Variants in TMEM150C observed in about 807,000 individuals in gnomAD.
The protein encoded by TMEM150C is transmembrane protein 150C, also known as tentonin 3.
Under a neutral mutation model 29.9 loss-of-function variants are expected in TMEM150C, and 10 were observed. That is an observed-to-expected ratio of 0.33 (90% CI 0.21 to 0.57). The LOEUF is 0.57. TMEM150C is among the 20% of genes least tolerant of loss of function. The pLI, the probability that TMEM150C is intolerant of heterozygous loss-of-function variation, is 0.88. For synonymous variants in TMEM150C, 101 were observed against 112.5 expected (o/e 0.90, Z 0.64); for missense variants, 251 against 303.6 (o/e 0.83, Z 1.29).
intron 1 of TMEM150C, among the ~76,000 whole-genome samples, chr4:82,548,917 G>C (rs1409076423): frequency 1.3e-5 from 2 of 152,260 alleles, no homozygotes; most frequent in Non-Finnish European, 2.9e-5. Flanking sequence ...TCATGAGTAA[G>C]TCAGAGAGTG....
intron 1 of TMEM150C, among the ~76,000 whole-genome samples, chr4:82,547,592 T>G (rs1180173092): frequency 1.5e-5 from 2 of 133,160 alleles, no homozygotes; most frequent in African/African-American, 2.7e-5. Flanking sequence ...GTCTCAAAAA[T>G]AAAAAAAAAA....
At chr4:82,490,897 C>T in intron 6 of TMEM150C, 1 of 710,776 alleles carries the variant, frequency 1.4e-6, no homozygotes, top group Non-Finnish European at 2.6e-6. Flanking sequence ...GACTTGGGAC[C>T]CAGGACATTG....
intron 1 of TMEM150C, among the ~76,000 whole-genome samples, chr4:82,523,830 G>A (rs935255862): frequency 3.3e-5 from 5 of 151,524 alleles, no homozygotes; most frequent in African/African-American, 4.9e-5. Flanking sequence ...GGCGCCTGCC[G>A]CCACACCTGG....
In TMEM150C at chr4:82,558,637, T is replaced by C. The variant is rs188192546; in HGVS notation, c.-11+3269A>G. ...TAAACATACCAGAAAAAAAAAAAAA[T>C]CTAAACATACCAGGAAATGATATTT... is the stretch of plus-strand genomic sequence containing the variant. On this transcript the variant is annotated intron_variant, in intron 1 of 7. Coordinates refer to ENST00000449862, the MANE Select transcript of TMEM150C (RefSeq NM_001080506.3). Among the ~76,000 whole-genome samples, 69 of 150,918 alleles carry C rather than the reference T, an allele frequency of 4.6e-4. No individual in the cohort carries two copies. The East Asian group carries it at 0.012, about 27-fold the overall frequency.
intron 1 of TMEM150C, among the ~76,000 whole-genome samples, chr4:82,556,894 T>TG (rs1284508110): frequency 6.6e-6 from 1 of 152,204 alleles, no homozygotes; most frequent in African/African-American, 2.4e-5. Context: ...AGAGATAATT[T>TG]GGGAGTTATT....
At chr4:82,535,856 T>C (rs1724985880) in intron 1 of TMEM150C, among the ~76,000 whole-genome samples, 1 of 152,166 alleles carries the variant, frequency 6.6e-6, no homozygotes, top group Non-Finnish European at 1.5e-5. Context: ...TAATCCCTTG[T>C]TGTGGGGGCT....
intron 6 of TMEM150C, chr4:82,495,454 T>C (rs575010079): frequency 1.6e-4 from 55 of 345,744 alleles, no homozygotes; most frequent in South Asian, 1.5e-3. Flanking sequence ...AAAGAAAAGT[T>C]TGCGGATTCT....
intron 1 of TMEM150C, among the ~76,000 whole-genome samples, chr4:82,541,572 T>C (rs1725203535): frequency 6.6e-6 from 1 of 152,238 alleles, no homozygotes; most frequent in Non-Finnish European, 1.5e-5. Context: ...GATGATATTC[T>C]AAATTAGTAC....
At chr4:82,519,973 A>G (rs989382624) in intron 1 of TMEM150C, among the ~76,000 whole-genome samples, 1 of 152,202 alleles carries the variant, frequency 6.6e-6, no homozygotes, top group Non-Finnish European at 1.5e-5. Flanking sequence ...TCTACTGTAC[A>G]TTTCCATTCT....
At chr4:82,550,087 C>T (rs1184554150) in intron 1 of TMEM150C, among the ~76,000 whole-genome samples, 1 of 152,084 alleles carries the variant, frequency 6.6e-6, no homozygotes, top group African/African-American at 2.4e-5. Flanking sequence ...AACTGTAATC[C>T]CCATAATCCC....
At chr4:82,561,310 G>A (rs1164688233) in intron 1 of TMEM150C, among the ~76,000 whole-genome samples, 2 of 152,192 alleles carry the variant, frequency 1.3e-5, no homozygotes. Flanking sequence ...CTTCCCAAGT[G>A]TGCGCCCAGG....
chr4:82,540,842 TAA>T lies in TMEM150C; in HGVS notation c.-11+21062_-11+21063del, dbSNP rs1246551284. On this transcript the variant is annotated intron_variant, in intron 1 of 7. Transcript: ENST00000449862. ...CTTATTTTTCTGTGGTGAGAACACT[TAA>T]AATCTACTCTCTTAGCAATTTTCAA... Among the ~76,000 whole-genome samples the T allele has an allele frequency of 4.6e-5, 7 of 152,322 alleles. No homozygotes were observed. The East Asian group carries it at 1.3e-3, about 29-fold the overall frequency.
intron 1 of TMEM150C, among the ~76,000 whole-genome samples, chr4:82,536,464 T>A (rs1725011428): frequency 6.6e-6 from 1 of 150,968 alleles, no homozygotes. Context: ...ATCACACACA[T>A]ACGCTATAGG....
intron 5 of TMEM150C, among the ~76,000 whole-genome samples, chr4:82,498,727 C>A (rs1723636754): frequency 6.6e-6 from 1 of 152,180 alleles, no homozygotes; most frequent in South Asian, 2.1e-4. Flanking sequence ...TTGACCCACC[C>A]AGTCAAAGAG....
Position 82,561,900 on chromosome 4 carries a change from G to T in TMEM150C, c.-11+6C>A, listed in dbSNP as rs1180494717. 1 of 995,074 alleles carries T rather than the reference G, an allele frequency of 1.0e-6. No individual in the cohort carries two copies. The highest frequency in any genetic ancestry group is 1.2e-6 in the Non-Finnish European group (1 of 836,070). 61.6% of individuals were successfully genotyped at this position (995,074 alleles called of 1,614,324 possible). ...GCCCAGGCAGGGGAGGGGGCGCCGC[G>T]CCTACCTGCTCTGGTGCGGCGGGGC... On this transcript the variant is annotated splice_donor_region_variant and intron_variant, in intron 1 of 7. Transcript: ENST00000449862.
intron 1 of TMEM150C, among the ~76,000 whole-genome samples, chr4:82,506,821 A>G (rs1323529371): frequency 6.6e-6 from 1 of 152,234 alleles, no homozygotes; most frequent in Non-Finnish European, 1.5e-5. Context: ...AAGTAGCCAA[A>G]TGTAGAGGGA....
chr4:82,505,329 G>A (rs189119874), intron 1 of TMEM150C, among the ~76,000 whole-genome samples: 23 of 152,276 alleles, frequency 1.5e-4, no homozygotes, highest in Middle Eastern at 3.4e-3. Context: ...TTACAGGCAT[G>A]AGCCACAGTG....
At chr4:82,548,449 G>A (rs535719096) in intron 1 of TMEM150C, among the ~76,000 whole-genome samples, 34 of 151,640 alleles carry the variant, frequency 2.2e-4, no homozygotes, top group African/African-American at 6.3e-4. Context: ...TACATTGTTC[G>A]TGCAAGGGGC....
intron 6 of TMEM150C, among the ~76,000 whole-genome samples, chr4:82,493,517 C>T (rs1384122643): frequency 1.3e-5 from 2 of 152,198 alleles, no homozygotes; most frequent in East Asian, 1.9e-4. Context: ...TGTTATATTC[C>T]GGCAAACGTT....
Sources: allele counts gnomAD v4.1 joint callset (sites outside exome capture counted in the v4.1 genomes callset), GRCh38; gene constraint gnomAD v4.1.1; transcripts MANE v1.5; gene names NCBI Gene and HGNC (gene_info 2026-07-23, HGNC 2026-07-21).